The following GRTP1 variants were observed in gnomAD, a reference collection of about 807,000 sequenced individuals.
GRTP1 encodes the protein growth hormone regulated TBC protein 1.
In GRTP1, 56 loss-of-function variants were observed where a neutral mutation model predicts 38.1. That is an observed-to-expected ratio of 1.47 (90% confidence interval 1.19 to 1.84). GRTP1 has a LOEUF of 1.84. Ranked by LOEUF, GRTP1 falls within the 40% of genes most tolerant of loss-of-function variation. The probability of loss-of-function intolerance (pLI) is 0.00; values close to 1 mark genes in which losing one functional copy is unlikely to be tolerated. For missense variants in GRTP1, 506 were observed against 453.9 expected (o/e 1.11, Z -1.04); for synonymous variants, 217 against 189.5 (o/e 1.14, Z -1.19).
chr13:113,356,337 G>A (rs143536021), intron 2 of GRTP1, among the ~76,000 whole-genome samples: 5,259 of 151,930 alleles, frequency 0.035, 152 homozygotes, highest in East Asian at 0.053. Context: ...GTGCAATCTT[G>A]GCTCACTGTA....
chr13:113,328,448 T>A (rs1275613721), intron 5 of GRTP1, among the ~76,000 whole-genome samples: 2 of 152,204 alleles, frequency 1.3e-5, no homozygotes, highest in Non-Finnish European at 2.9e-5. Flanking sequence ...CCAAGACCAC[T>A]CTCTCACATG....
chr13:113,347,382 G>A (rs1171643860), intron 4 of GRTP1, among the ~76,000 whole-genome samples: 19 of 54,002 alleles, frequency 3.5e-4, no homozygotes, highest in African/African-American at 7.8e-4. Context: ...CTCTGAAGCC[G>A]AGAGCAGACC....
At position 113,325,732 on chromosome 13, in the gene GRTP1, G is replaced by T; in HGVS notation, c.850C>A (p.Pro284Thr). The T allele has an allele frequency of 6.2e-7, 1 of 1,614,172 alleles. No homozygotes were observed. The highest frequency in any genetic ancestry group is 8.5e-7 in the Non-Finnish European group (1 of 1,180,004). Reference protein sequence around the residue: ...QELILEATSVPDICDKFKQIT... With the variant: ...QELILEATSVTDICDKFKQIT... ...TGCTTAAACTTATCGCAAATGTCTGGAACGCTGGTGGCTTCCAAAATCAAC... is the reference window on the plus strand; with the variant it reads ...TGCTTAAACTTATCGCAAATGTCTGTAACGCTGGTGGCTTCCAAAATCAAC... The change falls in exon 7 of 8, where the codon CCA (proline) becomes ACA (threonine). Residue 284 changes from proline (P) to threonine (T), a missense_variant. Transcript: ENST00000375431.
In GRTP1 at chr13:113,329,060, C is replaced by T. The variant is rs61627043; in HGVS notation, c.563-2969G>A. ...AGGCGCCAGCCACGCTTTATGTCCC[C>T]CGATCCGGGTGCTCTCCAGGGTGTG... On this transcript the variant is annotated intron_variant, in intron 5 of 7. Transcript: ENST00000375431. Among the ~76,000 whole-genome samples, 1,352 of 152,366 alleles carry T rather than the reference C, an allele frequency of 8.9e-3. 54 individuals are homozygous for T. The East Asian group carries it at 0.11, about 13-fold the overall frequency.
intron 5 of GRTP1, among the ~76,000 whole-genome samples, chr13:113,334,475 A>T (rs1200312611): frequency 6.6e-6 from 1 of 152,214 alleles, no homozygotes; most frequent in Non-Finnish European, 1.5e-5. Flanking sequence ...GTGCGCGGAA[A>T]CAGTTTCATC....
At chr13:113,333,845 G>GTA (rs1345277598) in intron 5 of GRTP1, among the ~76,000 whole-genome samples, 1 of 99,844 alleles carries the variant, frequency 1.0e-5, no homozygotes, top group Non-Finnish European at 2.1e-5. Context: ...TTTAGTGTGT[G>GTA]TGTGTGTGTG....
At chr13:113,347,253 C>T (rs796522169) in intron 4 of GRTP1, among the ~76,000 whole-genome samples, 2 of 57,210 alleles carry the variant, frequency 3.5e-5, no homozygotes, top group Admixed American at 2.0e-4. Context: ...CCTGGGAGGA[C>T]CTCTGTGGCT....
chr13:113,327,526 C>G (rs1057506449), intron 5 of GRTP1, among the ~76,000 whole-genome samples: 14 of 152,244 alleles, frequency 9.2e-5, no homozygotes, highest in African/African-American at 2.9e-4. Flanking sequence ...ATCACAAACA[C>G]TGACGCAACA....
At chr13:113,338,482 C>A (rs1347375827) in intron 5 of GRTP1, among the ~76,000 whole-genome samples, 1 of 152,148 alleles carries the variant, frequency 6.6e-6, no homozygotes, top group Non-Finnish European at 1.5e-5. Flanking sequence ...GTGGGGGAAA[C>A]CGGGGAGGCA....
At chr13:113,333,474 T>G (rs2042904957) in intron 5 of GRTP1, among the ~76,000 whole-genome samples, 1 of 152,186 alleles carries the variant, frequency 6.6e-6, no homozygotes, top group Non-Finnish European at 1.5e-5. Context: ...CAAAGATTTC[T>G]CTTCAGTGCC....
chr13:113,361,546 A>G (rs1399000786), intron 2 of GRTP1: 1 of 152,238 alleles, frequency 6.6e-6, no homozygotes, highest in African/African-American at 2.4e-5. Context: ...ATGCACAACC[A>G]TACATCTTTC....
At chr13:113,338,423 C>T (rs1319210099) in intron 5 of GRTP1, among the ~76,000 whole-genome samples, 3 of 152,108 alleles carry the variant, frequency 2.0e-5, no homozygotes, top group Non-Finnish European at 4.4e-5. Context: ...AATTGGACCC[C>T]CTCTAAGTGA....
intron 5 of GRTP1, chr13:113,339,727 A>C (rs975077993): frequency 7.9e-5 from 12 of 152,224 alleles, no homozygotes; most frequent in African/African-American, 2.9e-4. Flanking sequence ...TAATTATTAG[A>C]GCATTATAAT....
intron 5 of GRTP1, among the ~76,000 whole-genome samples, chr13:113,339,261 C>T (rs1301844900): frequency 1.3e-5 from 2 of 152,178 alleles, no homozygotes; most frequent in Admixed American, 1.3e-4. Flanking sequence ...GACACTAACC[C>T]TTTGTTAATT....
At chr13:113,345,835 C>G (rs1277754960) in intron 4 of GRTP1, among the ~76,000 whole-genome samples, 1 of 152,238 alleles carries the variant, frequency 6.6e-6, no homozygotes, top group Admixed American at 6.5e-5. Flanking sequence ...CTAAGAGTTT[C>G]ACTCAAAAAG....
At chr13:113,325,456 CAAG>C (rs1037503623) in intron 7 of GRTP1, 2 of 1,448,680 alleles carry the variant, frequency 1.4e-6, no homozygotes, top group Non-Finnish European at 1.8e-6. Context: ...GTGCCAGGGC[CAAG>C]AAGACAGGGC....
intron 5 of GRTP1, among the ~76,000 whole-genome samples, chr13:113,333,872 T>TGC (rs1413524431): frequency 0.011 from 1,547 of 143,740 alleles, 20 homozygotes; most frequent in Middle Eastern, 0.017. Context: ...TGTGTGTGTG[T>TGC]GTCCGAGGCT....
intron 2 of GRTP1, chr13:113,359,988 G>A (rs1344816693): frequency 6.6e-6 from 1 of 152,190 alleles, no homozygotes; most frequent in Non-Finnish European, 1.5e-5. Context: ...TTAAAAAGAA[G>A]CTACATCCAG....
chr13:113,355,519 C>A, intron 2 of GRTP1, 38 bp from the exon 3 acceptor site: 1 of 1,563,868 alleles, frequency 6.4e-7, no homozygotes. Flanking sequence ...TGAGCTGGAC[C>A]AGGGGCCTGC....
Sources: allele counts gnomAD v4.1 joint callset (sites outside exome capture counted in the v4.1 genomes callset), GRCh38; gene constraint gnomAD v4.1.1; transcripts MANE v1.5; gene names NCBI Gene and HGNC (gene_info 2026-07-23, HGNC 2026-07-21).